The following ARHGDIA variants were observed in gnomAD, a reference collection of about 807,000 sequenced individuals.
The protein encoded by ARHGDIA is rho GDP-dissociation inhibitor 1.
Under a neutral mutation model 25.0 loss-of-function variants are expected in ARHGDIA, and 9 were observed. The ratio of observed to expected loss-of-function variants is 0.36; its 90% CI spans 0.22 to 0.63. The LOEUF is 0.63. ARHGDIA is among the 20% of genes least tolerant of loss of function. ARHGDIA has a pLI of 0.69. For missense variants in ARHGDIA, 239 were observed against 264.3 expected (o/e 0.90, Z 0.66); for synonymous variants, 166 against 111.5 (o/e 1.49, Z -3.08).
chr17:81,868,042 C>T lies in ARHGDIA; in HGVS notation c.*834G>A, dbSNP rs570300732. 6 of 254,032 alleles carry T rather than the reference C, an allele frequency of 2.4e-5. No individual in the cohort carries two copies. The South Asian group carries it at 7.6e-4, about 32-fold the overall frequency. The allele number at this position is 254,032 out of a possible 1,614,324, so 15.7% of individuals were successfully genotyped here. ...GGTGAGTGAGGCTGTCCATCGAGGG[C>T]TCTTGGGGGGGTGTGGGCTCTGGGC... On this transcript the variant is annotated 3_prime_UTR_variant, in exon 6 of 6. Transcript: ENST00000269321.
At chr17:81,870,249 G>A (rs1295209780) in intron 1 of ARHGDIA, 3 of 364,462 alleles carry the variant, frequency 8.2e-6, no homozygotes, top group Non-Finnish European at 1.5e-5. Flanking sequence ...TGTGGGGCGG[G>A]GCTAGCAGGC....
intron 1 of ARHGDIA, 37 bp downstream of exon 1, chr17:81,871,247 CCCGACCCGCCGCCT>C (rs1340633734): frequency 1.3e-5 from 2 of 149,670 alleles, no homozygotes; most frequent in African/African-American, 4.9e-5. Context: ...CGGTCCCCGC[CCCGACCCGCCGCCT>C]CCGCCCCGCC....
Position 81,869,759 on chromosome 17 carries a change from G to T in ARHGDIA, c.172C>A (p.Arg58Ser), listed in dbSNP as rs990501277. The stretch of plus-strand genomic sequence containing the variant: ...GACTCACCTGCGGAAACGGCCACGC[G>T]GCCCAGCAGGGCCTCCTTGTACTTT... ...LRKYKEALLG[R>S]VAVSADPNVP... The change falls in exon 2 of 6, where the codon CGC (arginine) becomes AGC (serine). Residue 58 changes from arginine to serine, a missense_variant. Coordinates refer to ENST00000269321, the MANE Select transcript of ARHGDIA (RefSeq NM_004309.6). 6 of 1,613,430 alleles carry T rather than the reference G, an allele frequency of 3.7e-6. No individual in the cohort carries two copies. The highest frequency in any genetic ancestry group is 3.3e-5 in the Admixed American group (2 of 59,988).
chr17:81,869,465 C>G (rs545229548), intron 3 of ARHGDIA, 59 bp from the exon 4 acceptor site: 4 of 1,612,350 alleles, frequency 2.5e-6, no homozygotes, highest in African/African-American at 1.3e-5. Context: ...AGCCCCAGCC[C>G]TGCGCGGCCC....
Position 81,868,749 on chromosome 17 carries a change from G to A in ARHGDIA, c.*127C>T, listed in dbSNP as rs948445895. ...CTCGGTTGAGCCAGGCCAGGGAGGC[G>A]GACCAGGGTGGGAGGGGCACGGAGG... On this transcript the variant is annotated 3_prime_UTR_variant, in exon 6 of 6. Coordinates refer to ENST00000269321, the MANE Select transcript of ARHGDIA (RefSeq NM_004309.6). 57 of 1,538,304 alleles carry A rather than the reference G, an allele frequency of 3.7e-5. No homozygotes were observed. Among genetic ancestry groups the A allele is most frequent in the Admixed American group, 9.8e-5 (5 of 50,938 alleles).
chr17:81,871,033 C>A (rs1007449836), intron 1 of ARHGDIA: 23 of 149,456 alleles, frequency 1.5e-4, no homozygotes, highest in African/African-American at 5.6e-4. Context: ...CTCCCCTGGT[C>A]CCCGCCGCCC....
Position 81,868,243 on chromosome 17 carries a change from C to T in ARHGDIA, c.*633G>A. 3.1e-6 allele frequency: 3 copies of T among 955,760 alleles called. No homozygotes were observed. Among genetic ancestry groups the T allele is most frequent in the Non-Finnish European group, 4.4e-6 (3 of 678,866 alleles). The allele number at this position is 955,760 out of a possible 1,614,324, so 59.2% of individuals were successfully genotyped here. ...GCACTGGTGGGCTGGGGAGCAGCAG[C>T]AGCACACCCCACGTGTCCCTGGGTC... On this transcript the variant is annotated 3_prime_UTR_variant, in exon 6 of 6. Transcript: ENST00000269321.
Position 81,868,714 on chromosome 17 carries a change from G to A in ARHGDIA, c.*162C>T, listed in dbSNP as rs1371808870. ...GGGTGGGGGAGGGCTGAGGAGGGGG[G>A]TCGGAGGCACTCGGTTGAGCCAGGC... On this transcript the variant is annotated 3_prime_UTR_variant, in exon 6 of 6. Transcript: ENST00000269321. The A allele has an allele frequency of 2.6e-6, 4 of 1,533,254 alleles. No individual in the cohort carries two copies. Among genetic ancestry groups the A allele is most frequent in the East Asian group, 2.4e-5 (1 of 40,910 alleles). The allele number at this position is 1,533,254 out of a possible 1,614,324, so 95.0% of individuals were successfully genotyped here.
At position 81,868,167 on chromosome 17, in the gene ARHGDIA, C is replaced by A. The variant is rs764688742; in HGVS notation, c.*709G>T. 1 of 540,722 alleles carries A rather than the reference C, an allele frequency of 1.8e-6. No individual in the cohort carries two copies. The allele number at this position is 540,722 out of a possible 1,614,324, so 33.5% of individuals were successfully genotyped here. A position where few individuals can be genotyped will look rare whatever the true frequency, so the allele number is the denominator to read the frequency against. On this transcript the variant is annotated 3_prime_UTR_variant, in exon 6 of 6. Coordinates refer to ENST00000269321, the MANE Select transcript of ARHGDIA (RefSeq NM_004309.6). ...TTTGGCAATTTGGCTTTCCCCAAGC[C>A]GCCGGAGCCATCTCCACAGCCCTGT...
chr17:81,869,164 C>T lies in ARHGDIA; in HGVS notation c.415+9G>A. 1 of 1,613,938 alleles carries T rather than the reference C, an allele frequency of 6.2e-7. No individual in the cohort carries two copies. Among genetic ancestry groups the T allele is most frequent in the Non-Finnish European group, 8.5e-7 (1 of 1,179,960 alleles). The stretch of plus-strand genomic sequence containing the variant: ...CGGCCCCCTCTGCCCTGCCCGGGGC[C>T]CCACTCACTCTTGACGCCTTTCCTG... On this transcript the variant is annotated intron_variant, in intron 5 of 5. Coordinates refer to ENST00000269321, the MANE Select transcript of ARHGDIA (RefSeq NM_004309.6).
chr17:81,870,339 AC>A (rs1235393098), intron 1 of ARHGDIA: 3 of 191,920 alleles, frequency 1.6e-5, no homozygotes, highest in African/African-American at 7.0e-5. Flanking sequence ...CCCTCGCCCT[AC>A]GGGGTAACGG....
chr17:81,870,119 A>G (rs1431361396), intron 1 of ARHGDIA, 162 bp from the exon 2 acceptor site: 6 of 665,874 alleles, frequency 9.0e-6, no homozygotes, highest in Admixed American at 5.9e-5. Context: ...CCTCTGGGGC[A>G]GTGTGAGGTG....
chr17:81,868,273 G>T lies in ARHGDIA; in HGVS notation c.*603C>A. 7.9e-7 allele frequency: 1 copy of T among 1,267,756 alleles called. No individual in the cohort carries two copies. The highest frequency in any genetic ancestry group is 1.0e-6 in the Non-Finnish European group (1 of 960,576). The allele number at this position is 1,267,756 out of a possible 1,614,324, so 78.5% of individuals were successfully genotyped here. A position where few individuals can be genotyped will look rare whatever the true frequency, so the allele number is the denominator to read the frequency against. ...CACCCCACGTGTCCCTGGGTCACTG[G>T]GTTCGCCACCGGGGAAGGGACGGGG... On this transcript the variant is annotated 3_prime_UTR_variant, in exon 6 of 6. Coordinates refer to ENST00000269321, the MANE Select transcript of ARHGDIA (RefSeq NM_004309.6).
Position 81,869,825 on chromosome 17 carries a change from G to C in ARHGDIA, c.106C>G (p.Gln36Glu). The C allele has an allele frequency of 6.2e-7, 1 of 1,614,102 alleles. No individual in the cohort carries two copies. Among genetic ancestry groups the C allele is most frequent in the Non-Finnish European group, 8.5e-7 (1 of 1,180,002 alleles). ...NYKPPAQKSI[Q>E]EIQELDKDDE... ...TCCTTGTCCAGCTCCTGGATCTCCT[G>C]GATGCTCTTCTGGGCCGGGGGCTTG... Residue 36 changes from glutamine (Q) to glutamate (E), a missense_variant, in exon 2 of 6, where the codon CAG (glutamine) becomes GAG (glutamate). Transcript: ENST00000269321.
chr17:81,871,235 G>T (rs1381058743), intron 1 of ARHGDIA, 63 bp downstream of exon 1: 3 of 140,162 alleles, frequency 2.1e-5, no homozygotes, highest in Non-Finnish European at 4.7e-5. Flanking sequence ...CGCCGGCGCC[G>T]CCGGTCCCCG....
Position 81,867,731 on chromosome 17 carries a change from G to A in ARHGDIA, c.*1145C>T, listed in dbSNP as rs1253436546. 1.3e-5 allele frequency: 2 copies of A among 152,402 alleles called. No individual in the cohort carries two copies. The highest frequency in any genetic ancestry group is 4.8e-5 in the African/African-American group (2 of 41,424). 9.4% of individuals were successfully genotyped at this position (152,402 alleles called of 1,614,324 possible). A position where few individuals can be genotyped will look rare whatever the true frequency, so the allele number is the denominator to read the frequency against. On this transcript the variant is annotated 3_prime_UTR_variant, in exon 6 of 6. Coordinates refer to ENST00000269321, the MANE Select transcript of ARHGDIA (RefSeq NM_004309.6). ...GCAGACACCCCCAGCTCCTTCAGGG[G>A]CATTTATTTCCCGGTCAGAAAAGAA...
chr17:81,869,473 C>G (rs556871814), intron 3 of ARHGDIA, 67 bp from the exon 4 acceptor site: 2 of 1,609,094 alleles, frequency 1.2e-6, no homozygotes, highest in South Asian at 2.2e-5. Context: ...CCCTGCGCGG[C>G]CCCCTGGCTG....
intron 5 of ARHGDIA, 38 bp from the exon 6 acceptor site, chr17:81,869,113 T>TCC: frequency 6.2e-7 from 1 of 1,612,620 alleles, no homozygotes; most frequent in South Asian, 1.1e-5. Flanking sequence ...CGGCCCCGCT[T>TCC]CCCCGCCTGG....
rs1256097685 is a variant in ARHGDIA, at chr17:81,868,701, G to T, written c.*175C>A. On this transcript the variant is annotated 3_prime_UTR_variant, in exon 6 of 6. Transcript: ENST00000269321. Reference sequence around the variant, plus strand: ...AGGCTGGGCCTGTGGGTGGGGGAGGGCTGAGGAGGGGGGTCGGAGGCACTC... The same window carrying T: ...AGGCTGGGCCTGTGGGTGGGGGAGGTCTGAGGAGGGGGGTCGGAGGCACTC... 2.6e-6 allele frequency: 4 copies of T among 1,534,144 alleles called. No individual in the cohort carries two copies. The highest frequency in any genetic ancestry group is 3.9e-5 in the Admixed American group (2 of 50,958).
Sources: allele counts gnomAD v4.1 joint callset, GRCh38; gene constraint gnomAD v4.1.1; transcripts MANE v1.5; gene names NCBI Gene and HGNC (gene_info 2026-07-23, HGNC 2026-07-21).